The following DDX60L variants were observed in gnomAD, a reference collection of about 807,000 sequenced individuals.
DDX60L encodes the protein DExD/H-box 60 like.
Under a neutral mutation model 211.6 loss-of-function variants are expected in DDX60L, and 191 were observed. The observed-to-expected ratio is 0.90, with a 90% confidence interval of 0.80 to 1.02. The LOEUF is 1.02. Ranked by LOEUF, DDX60L falls within the 50% of genes least tolerant of loss-of-function variation. The pLI, the probability that DDX60L is intolerant of heterozygous loss-of-function variation, is 0.00. For synonymous variants in DDX60L, 706 were observed against 694.1 expected (o/e 1.02, Z -0.27); for missense variants, 2,007 against 1,984.1 (o/e 1.01, Z -0.22).
intron 8 of DDX60L, among the ~76,000 whole-genome samples, chr4:168,451,825 T>A (rs529151598): frequency 6.6e-6 from 1 of 152,186 alleles, no homozygotes; most frequent in Non-Finnish European, 1.5e-5. Context: ...TAAACATATC[T>A]GAGCTCCTTG....
At chr4:168,373,883 G>A in intron 34 of DDX60L, 75 bp from the exon 35 acceptor site, 1 of 1,461,942 alleles carries the variant, frequency 6.8e-7, no homozygotes, top group Non-Finnish European at 9.4e-7. Flanking sequence ...CTCACTGTAG[G>A]TCAAGCCACA....
intron 18 of DDX60L, among the ~76,000 whole-genome samples, chr4:168,419,764 A>C (rs1173319680): frequency 1.3e-5 from 2 of 152,244 alleles, no homozygotes; most frequent in African/African-American, 2.4e-5. Context: ...ATTCAAAAGA[A>C]CTAGCAATTT....
intron 22 of DDX60L, among the ~76,000 whole-genome samples, chr4:168,407,807 T>C (rs1249305189): frequency 6.6e-6 from 1 of 152,242 alleles, no homozygotes; most frequent in East Asian, 1.9e-4. Flanking sequence ...ACAGCTCTAA[T>C]CACTACTCCC....
At chr4:168,369,954 C>T (rs956573544) in intron 36 of DDX60L, among the ~76,000 whole-genome samples, 1 of 151,914 alleles carries the variant, frequency 6.6e-6, no homozygotes, top group Admixed American at 6.6e-5. Context: ...GAAAGGGAAC[C>T]CTTACATGCT....
chr4:168,401,757 A>G (rs1176542048), intron 25 of DDX60L, among the ~76,000 whole-genome samples: 1 of 152,218 alleles, frequency 6.6e-6, no homozygotes, highest in African/African-American at 2.4e-5. Context: ...TGGATTTACT[A>G]GCATGTTTAG....
At chr4:168,402,797 C>A (rs1471160041) in intron 25 of DDX60L, among the ~76,000 whole-genome samples, 1 of 152,194 alleles carries the variant, frequency 6.6e-6, no homozygotes, top group Non-Finnish European at 1.5e-5. Context: ...CTCAATGTTC[C>A]AGAGCTACAA....
chr4:168,471,163 A>T (rs1170717105), intron 4 of DDX60L, among the ~76,000 whole-genome samples: 2 of 152,242 alleles, frequency 1.3e-5, no homozygotes, highest in East Asian at 3.8e-4. Context: ...AACTCTAGTT[A>T]ATGGCATGTA....
chr4:168,359,975 T>C (rs1409010815), intron 37 of DDX60L, among the ~76,000 whole-genome samples: 2 of 152,252 alleles, frequency 1.3e-5, no homozygotes, highest in Non-Finnish European at 2.9e-5. Flanking sequence ...ATTATCCTAA[T>C]TAACTAGAAT....
At chr4:168,479,378 CAGG>C (rs1403108385) in intron 1 of DDX60L, among the ~76,000 whole-genome samples, 1 of 152,174 alleles carries the variant, frequency 6.6e-6, no homozygotes, top group Non-Finnish European at 1.5e-5. Flanking sequence ...TTACTGTTTT[CAGG>C]AGAACACTCG....
chr4:168,456,112 T>C lies in DDX60L; in HGVS notation c.764A>G (p.Glu255Gly). ...GAGAACACGCTGGATGTCCGATCCT[T>C]CTGACCATAGGTGCTGAAGCAGAAA... Reference protein sequence around the residue: ...TLFLLQHLWSEGSDIQRVLCV... With the variant: ...TLFLLQHLWSGGSDIQRVLCV... Residue 255 changes from glutamate to glycine, a missense_variant, in exon 7 of 38, where the codon GAA (glutamate) becomes GGA (glycine). By Grantham distance (98) the Glu-to-Gly change is moderately conservative (BLOSUM62 -2). Coordinates refer to ENST00000682922, the MANE Select transcript of DDX60L (RefSeq NM_001012967.3). 2 of 1,596,424 alleles carry C rather than the reference T, an allele frequency of 1.3e-6. No individual in the cohort carries two copies. The highest frequency in any genetic ancestry group is 1.7e-6 in the Non-Finnish European group (2 of 1,173,264).
At chr4:168,449,652 C>CAAAAAAAAA in intron 8 of DDX60L, among the ~76,000 whole-genome samples, 24 of 7,930 alleles carry the variant, frequency 3.0e-3, no homozygotes, top group Middle Eastern at 0.083. Context: ...AAAAAAAATG[C>CAAAAAAAAA]AAAAAAAAAA....
intron 6 of DDX60L, among the ~76,000 whole-genome samples, chr4:168,457,205 G>C (rs1561113963): frequency 6.6e-6 from 1 of 151,070 alleles, no homozygotes; most frequent in Non-Finnish European, 1.5e-5. Context: ...AACAGAGTGA[G>C]GCCTTGTCTG....
chr4:168,387,426 A>G (rs1744096238), intron 29 of DDX60L, among the ~76,000 whole-genome samples: 1 of 152,260 alleles, frequency 6.6e-6, no homozygotes, highest in South Asian at 2.1e-4. Context: ...TTGCAAACAA[A>G]GGATCTGATT....
chr4:168,476,979 T>G (rs1207999259), intron 1 of DDX60L, among the ~76,000 whole-genome samples: 1 of 152,206 alleles, frequency 6.6e-6, no homozygotes, highest in East Asian at 1.9e-4. Flanking sequence ...GAATCACTAT[T>G]GGGCCGACTG....
chr4:168,472,034 G>C (rs1368724646), intron 3 of DDX60L, 98 bp from the exon 4 acceptor site: 1 of 931,912 alleles, frequency 1.1e-6, no homozygotes, highest in Non-Finnish European at 1.6e-6. Context: ...TGTTTGTTGA[G>C]TACCTCATGC....
At chr4:168,380,094 A>G (rs62334097) in intron 30 of DDX60L, 35,397 of 311,866 alleles carry the variant, frequency 0.11, 2,591 homozygotes, top group East Asian at 0.17. Flanking sequence ...AACAGTGGTG[A>G]CCAATAGTGG....
chr4:168,456,611 C>T (rs950162006), intron 6 of DDX60L, among the ~76,000 whole-genome samples: 3 of 152,000 alleles, frequency 2.0e-5, no homozygotes, highest in African/African-American at 4.8e-5. Flanking sequence ...GATAAAAGTA[C>T]AGGTAGGTAT....
chr4:168,447,554 A>C (rs577956564), intron 9 of DDX60L, among the ~76,000 whole-genome samples: 2 of 152,188 alleles, frequency 1.3e-5, no homozygotes, highest in East Asian at 3.9e-4. Context: ...AGGACTATAA[A>C]TCATGCTGCT....
intron 1 of DDX60L, among the ~76,000 whole-genome samples, chr4:168,479,768 A>G (rs1182995974): frequency 9.3e-6 from 1 of 107,126 alleles, no homozygotes; most frequent in Non-Finnish European, 2.0e-5. Flanking sequence ...GGAGATCGAG[A>G]CCATCCTGGC....
Sources: allele counts gnomAD v4.1 joint callset (sites outside exome capture counted in the v4.1 genomes callset), GRCh38; gene constraint gnomAD v4.1.1; transcripts MANE v1.5; gene names NCBI Gene and HGNC (gene_info 2026-07-23, HGNC 2026-07-21).